Variants in PSD3 observed in about 807,000 individuals in gnomAD.
PSD3 encodes pleckstrin and Sec7 domain containing 3.
In PSD3, 49 loss-of-function variants were observed where a neutral mutation model predicts 105.5. The observed-to-expected ratio is 0.46, with a 90% CI of 0.37 to 0.59. The LOEUF (loss-of-function observed/expected upper bound fraction) is 0.59, where lower values mean the gene tolerates loss of function less well. PSD3 is among the 20% of genes least tolerant of loss of function. The pLI is 0.00. For missense variants in PSD3, 1,561 were observed against 1,263.8 expected, an observed-to-expected ratio of 1.24 and a Z score of -3.57; for synonymous variants, 557 against 457.8, an observed-to-expected ratio of 1.22 and a Z score of -2.77.
intron 10 of PSD3, among the ~76,000 whole-genome samples, chr8:18,649,418 T>A (rs1412985118): frequency 6.6e-6 from 1 of 152,236 alleles, no homozygotes; most frequent in Non-Finnish European, 1.5e-5. Context: ...CCCTTTCTTT[T>A]GGCTGCTTTC....
intron 11 of PSD3, among the ~76,000 whole-genome samples, chr8:18,604,841 T>C (rs538641872): frequency 2.0e-5 from 3 of 152,318 alleles, no homozygotes; most frequent in Admixed American, 6.5e-5. Flanking sequence ...CTACAGAGCA[T>C]GTTGGCCACA....
chr8:18,787,444 C>G (rs1018905665), intron 8 of PSD3, among the ~76,000 whole-genome samples: 1 of 151,978 alleles, frequency 6.6e-6, no homozygotes, highest in Non-Finnish European at 1.5e-5. Flanking sequence ...AATCAGTAGG[C>G]ATTTTAATCA....
intron 9 of PSD3, among the ~76,000 whole-genome samples, chr8:18,682,324 G>A (rs892399905): frequency 2.0e-5 from 3 of 152,154 alleles, no homozygotes; most frequent in African/African-American, 2.4e-5. Flanking sequence ...ACGTCTCTTA[G>A]TGCTCTTATA....
intron 12 of PSD3, among the ~76,000 whole-genome samples, chr8:18,596,705 C>A (rs1312651907): frequency 1.3e-5 from 2 of 151,832 alleles, no homozygotes; most frequent in Admixed American, 1.3e-4. Context: ...CAATTATACA[C>A]CAACAAATTG....
chr8:19,041,962 A>G (rs1052590168), intron 1 of PSD3, among the ~76,000 whole-genome samples: 4 of 143,852 alleles, frequency 2.8e-5, no homozygotes, highest in African/African-American at 1.2e-4. Flanking sequence ...AAAAAATTCT[A>G]TTTTGGATTT....
intron 1 of PSD3, among the ~76,000 whole-genome samples, chr8:18,990,174 A>T (rs944135026): frequency 2.6e-5 from 4 of 152,212 alleles, no homozygotes; most frequent in African/African-American, 9.7e-5. Flanking sequence ...GCCCTCTTCA[A>T]TCCGTTCTTC....
intron 15 of PSD3, among the ~76,000 whole-genome samples, chr8:18,547,688 C>G (rs1800529195): frequency 6.6e-6 from 1 of 152,200 alleles, no homozygotes; most frequent in African/African-American, 2.4e-5. Flanking sequence ...TTGCAGACAT[C>G]ACTTCTCAAC....
intron 14 of PSD3, among the ~76,000 whole-genome samples, chr8:18,560,055 C>T (rs112799624): frequency 1.1e-4 from 16 of 152,282 alleles, no homozygotes; most frequent in African/African-American, 3.1e-4. Flanking sequence ...AAAATCACAT[C>T]TCCTTAAATC....
intron 4 of PSD3, among the ~76,000 whole-genome samples, chr8:18,817,850 A>G (rs1482056648): frequency 6.6e-6 from 1 of 152,240 alleles, no homozygotes; most frequent in East Asian, 1.9e-4. Context: ...CAAAGTGGAC[A>G]GAATGCAGCG....
chr8:18,690,918 C>T (rs575193376), intron 9 of PSD3, among the ~76,000 whole-genome samples: 11 of 152,172 alleles, frequency 7.2e-5, no homozygotes, highest in Non-Finnish European at 1.2e-4. Context: ...AGTGGGGCTA[C>T]GGATTTCCTT....
At chr8:18,964,575 T>C (rs1824126458) in intron 1 of PSD3, among the ~76,000 whole-genome samples, 1 of 152,062 alleles carries the variant, frequency 6.6e-6, no homozygotes, top group Non-Finnish European at 1.5e-5. Context: ...GCAATGATTA[T>C]CTCCTTAAAG....
chr8:18,753,167 C>T (rs539975324), intron 9 of PSD3, among the ~76,000 whole-genome samples: 71 of 152,052 alleles, frequency 4.7e-4, no homozygotes, highest in Non-Finnish European at 8.5e-4. Flanking sequence ...CCAGCCTGGC[C>T]AATATGGTGA....
intron 1 of PSD3, among the ~76,000 whole-genome samples, chr8:19,007,941 C>A (rs1826770310): frequency 6.6e-6 from 1 of 152,288 alleles, no homozygotes; most frequent in Middle Eastern, 3.4e-3. Flanking sequence ...CTCCTGGGTT[C>A]AAGTGATTCT....
At chr8:18,575,673 C>A (rs1546003) in intron 12 of PSD3, among the ~76,000 whole-genome samples, 95,571 of 152,030 alleles carry the variant, frequency 0.63, 30,336 homozygotes, top group African/African-American at 0.69. Context: ...GTTAAAAGCA[C>A]AACCTTACAG....
chr8:19,041,558 T>C (rs764512), intron 1 of PSD3, among the ~76,000 whole-genome samples: 43,018 of 152,138 alleles, frequency 0.28, 6,932 homozygotes, highest in African/African-American at 0.44. Context: ...TTTTCCAGTG[T>C]GCTATGTCAC....
chr8:19,010,402 G>A (rs1403932845), intron 1 of PSD3, among the ~76,000 whole-genome samples: 1 of 152,194 alleles, frequency 6.6e-6, no homozygotes, highest in African/African-American at 2.4e-5. Flanking sequence ...GCAGGGACAT[G>A]CACTGTTTTT....
intron 1 of PSD3, among the ~76,000 whole-genome samples, chr8:19,048,260 C>G (rs980657519): frequency 6.6e-6 from 1 of 152,138 alleles, no homozygotes; most frequent in Non-Finnish European, 1.5e-5. Flanking sequence ...CCCACCCTCT[C>G]CCACAGGCTG....
chr8:18,753,840 A>G (rs1343890442), intron 9 of PSD3, among the ~76,000 whole-genome samples: 1 of 152,186 alleles, frequency 6.6e-6, no homozygotes, highest in Non-Finnish European at 1.5e-5. Flanking sequence ...AAGTACATCC[A>G]TTACTTTGCA....
At chr8:19,008,123 C>A (rs1335554468) in intron 1 of PSD3, among the ~76,000 whole-genome samples, 1 of 152,116 alleles carries the variant, frequency 6.6e-6, no homozygotes, top group Non-Finnish European at 1.5e-5. Flanking sequence ...GGATTACAGG[C>A]GTGAGCCATG....
Sources: gnomAD v4.1 joint callset for allele counts (sites outside exome capture counted in the v4.1 genomes callset) on GRCh38, gnomAD v4.1.1 for gene constraint, MANE v1.5 for transcripts, NCBI Gene and HGNC (gene_info 2026-07-23, HGNC 2026-07-21) for gene names.